Variants in CLTRN observed in about 807,000 individuals in gnomAD.
CLTRN encodes collectrin.
Under a neutral mutation model 14.5 loss-of-function variants are expected in CLTRN, and 12 were observed. The observed-to-expected ratio is 0.83, with a 90% CI of 0.53 to 1.34. CLTRN has a LOEUF of 1.34. Ranked by LOEUF, CLTRN falls within the 40% of genes most tolerant of loss-of-function variation. The pLI, the probability that CLTRN is intolerant of heterozygous loss-of-function variation, is 0.00. For synonymous variants in CLTRN, 58 were observed against 56.5 expected, an observed-to-expected ratio of 1.03 and a Z score of -0.12; for missense variants, 154 against 165.1, an observed-to-expected ratio of 0.93 and a Z score of 0.37.
intron 3 of CLTRN, among the ~76,000 whole-genome samples, chrX:15,657,215 G>C (rs1040618779): frequency 8.9e-6 from 1 of 111,795 alleles, no homozygotes; most frequent in African/African-American, 3.3e-5. Flanking sequence ...GCCCAGGCTG[G>C]TCTCGAACTC....
chrX:15,668,876 T>C (rs761115272), upstream of CLTRN, among the ~76,000 whole-genome samples: 1 of 112,175 alleles, frequency 8.9e-6, no homozygotes, highest in South Asian at 3.6e-4. Flanking sequence ...TCCAAGAAAA[T>C]ATTCTGTTAA....
At chrX:15,646,955 C>T (rs1452367070) in intron 3 of CLTRN, 8 of 257,272 alleles carry the variant, frequency 3.1e-5, no homozygotes, top group Non-Finnish European at 5.9e-5. Flanking sequence ...AGAGCCCCTA[C>T]TCCCGGGCAG....
At chrX:15,655,793 T>C (rs1308725962) in intron 3 of CLTRN, among the ~76,000 whole-genome samples, 2 of 112,051 alleles carry the variant, frequency 1.8e-5, no homozygotes, top group African/African-American at 6.5e-5. Context: ...GTCCTGAGAA[T>C]GTCTGCAAGT....
At chrX:15,665,592 C>T (rs1338894474), upstream of CLTRN, among the ~76,000 whole-genome samples, 3 of 112,282 alleles carry the variant, frequency 2.7e-5, no homozygotes, top group Non-Finnish European at 5.6e-5. Context: ...TGTTCTGTGT[C>T]TGTACTATCC....
At chrX:15,648,078 A>T (rs1444331010) in intron 3 of CLTRN, among the ~76,000 whole-genome samples, 1 of 95,944 alleles carries the variant, frequency 1.0e-5, no homozygotes, top group Non-Finnish European at 2.1e-5. Context: ...CTGGAATGGC[A>T]TTTGGAAGTG....
chrX:15,634,441 TCATCACCATCAC>T (rs951820824), intron 5 of CLTRN, among the ~76,000 whole-genome samples: 9 of 110,167 alleles, frequency 8.2e-5, no homozygotes, highest in Non-Finnish European at 1.5e-4. Context: ...ATTATCAACT[TCATCACCATCAC>T]CATCACCATC....
At chrX:15,648,857 A>G (rs1262971869) in intron 3 of CLTRN, among the ~76,000 whole-genome samples, 2 of 111,942 alleles carry the variant, frequency 1.8e-5, no homozygotes, top group Non-Finnish European at 3.8e-5. Context: ...AGTGAAAAAG[A>G]TAAGAGGTAA....
chrX:15,664,730 G>A lies in CLTRN; in HGVS notation c.46C>T (p.Leu16Phe), dbSNP rs945660139. Residue 16 changes from leucine (L) to phenylalanine (F), a missense_variant, in exon 1 of 6, where the codon CTC becomes TTC. Transcript: ENST00000380342. ...FFLVTAIHAE[L>F]CQPGAENAFK... ...CAAGGCTACATACCTGGTTGACAGA[G>A]TTCAGCATGAATGGCAGTCACCAGA... 4 of 1,206,481 alleles carry A rather than the reference G, an allele frequency of 3.3e-6. No individual in the cohort carries two copies. Among genetic ancestry groups the A allele is most frequent in the Admixed American group, 4.4e-5 (2 of 45,567 alleles).
intron 1 of CLTRN, 43 bp downstream of exon 1, chrX:15,664,675 G>A (rs1929582397): frequency 9.2e-7 from 1 of 1,088,701 alleles, no homozygotes; most frequent in Non-Finnish European, 1.3e-6. Context: ...TGTCAAACAT[G>A]TAGAAAACTG....
Position 15,628,010 on chromosome X carries a change from A to T in CLTRN, c.630T>A (p.Asp210Glu). ...GCCTCTCATCCTCTGTCATGAAGGC[A>T]TCATTAATATGCCCTCCCTTCATGT... ...PLDMKGGHIN[D>E]AFMTEDERLT... The change falls in exon 6 of 6, where the codon GAT (aspartate) becomes GAA (glutamate). Residue 210 changes from aspartate (D) to glutamate (E), a missense_variant. By Grantham distance (45) the Asp-to-Glu change is conservative. Coordinates refer to ENST00000380342, the MANE Select transcript of CLTRN (RefSeq NM_020665.6). 4 of 1,117,660 alleles carry T rather than the reference A, an allele frequency of 3.6e-6. No individual in the cohort carries two copies. The South Asian group carries it at 9.7e-5, about 27-fold the overall frequency. 92.1% of individuals were successfully genotyped at this position (1,117,660 alleles called of 1,213,427 possible). A position where few individuals can be genotyped will look rare whatever the true frequency, so the allele number is the denominator to read the frequency against.
chrX:15,652,770 T>C (rs1478753546), intron 3 of CLTRN, among the ~76,000 whole-genome samples: 1 of 111,606 alleles, frequency 9.0e-6, no homozygotes, highest in Non-Finnish European at 1.9e-5. Flanking sequence ...TAACAATATG[T>C]ACAAAAATAT....
At chrX:15,664,864 T>G (rs1025652502), upstream of CLTRN, 1 of 799,857 alleles carries the variant, frequency 1.3e-6, no homozygotes, top group Admixed American at 2.7e-5. Flanking sequence ...TGACCCGGAT[T>G]AGAATATCAG....
chrX:15,646,878 T>C lies in CLTRN; in HGVS notation c.204-1849A>G, dbSNP rs1325908860. ...GAGGGAGCCCGATGCCCAGGCCATCTGCCTTCGGGTCTGTGATGAGAAACG... is the reference window on the plus strand; with the variant it reads ...GAGGGAGCCCGATGCCCAGGCCATCCGCCTTCGGGTCTGTGATGAGAAACG... On this transcript the variant is annotated intron_variant, in intron 3 of 5. Transcript: ENST00000380342. 4 of 292,838 alleles carry C rather than the reference T, an allele frequency of 1.4e-5. No homozygotes were observed. In the East Asian group the frequency reaches 4.0e-4, roughly 29 times the overall value. The allele number at this position is 292,838 out of a possible 1,213,427, so 24.1% of individuals were successfully genotyped here.
At chrX:15,652,802 G>T (rs1929252764) in intron 3 of CLTRN, among the ~76,000 whole-genome samples, 2 of 111,771 alleles carry the variant, frequency 1.8e-5, no homozygotes, top group Non-Finnish European at 3.8e-5. Flanking sequence ...AAAAAATATT[G>T]CCAGGTACAG....
chrX:15,670,596 C>A (rs1929699443), intron 1 of CLTRN, among the ~76,000 whole-genome samples: 1 of 111,114 alleles, frequency 9.0e-6, no homozygotes, highest in South Asian at 3.7e-4. Context: ...CATGGAGAGA[C>A]AAAGTATTTT....
chrX:15,646,458 A>AACCCCCCCCCCCCCC, intron 3 of CLTRN: 16 of 228,783 alleles, frequency 7.0e-5, no homozygotes, highest in East Asian at 1.6e-4. Context: ...AAAACCGCGC[A>AACCCCCCCCCCCCCC]CCCACCCCCC....
chrX:15,641,264 A>T (rs1928934030), intron 4 of CLTRN, among the ~76,000 whole-genome samples: 1 of 111,639 alleles, frequency 9.0e-6, no homozygotes, highest in African/African-American at 3.3e-5. Flanking sequence ...TGTAAACTGG[A>T]GAGTCCTTGG....
At chrX:15,646,338 C>A (rs1005619378) in intron 3 of CLTRN, 7 of 264,221 alleles carry the variant, frequency 2.6e-5, no homozygotes, top group Non-Finnish European at 5.2e-5. Context: ...TGGCCCTGAC[C>A]GCAGATTTCG....
At chrX:15,651,295 G>A (rs1929209002) in intron 3 of CLTRN, among the ~76,000 whole-genome samples, 1 of 111,292 alleles carries the variant, frequency 9.0e-6, no homozygotes. Context: ...TACTACAGCG[G>A]CCTTCAGATT....
Sources: allele counts gnomAD v4.1 joint callset (sites outside exome capture counted in the v4.1 genomes callset), GRCh38; gene constraint gnomAD v4.1.1; transcripts MANE v1.5; gene names NCBI Gene and HGNC (gene_info 2026-07-23, HGNC 2026-07-21).